Variants in TENM4 observed in about 807,000 individuals in gnomAD.
The protein encoded by TENM4 is teneurin transmembrane protein 4.
A neutral mutation model predicts 243.3 loss-of-function variants in TENM4; 82 were observed. The observed-to-expected ratio is 0.34, with a 90% CI of 0.28 to 0.40. The LOEUF (loss-of-function observed/expected upper bound fraction) is 0.40, where lower values mean the gene tolerates loss of function less well. TENM4 is among the 10% of genes least tolerant of loss of function. The pLI, the probability that TENM4 is intolerant of heterozygous loss-of-function variation, is 1.00. For missense variants in TENM4, 3,138 were observed against 3,673.3 expected, an observed-to-expected ratio of 0.85 and a Z score of 3.77; for synonymous variants, 1,412 against 1,456.3, an observed-to-expected ratio of 0.97 and a Z score of 0.69.
intron 27 of TENM4, among the ~76,000 whole-genome samples, chr11:78,703,037 A>G (rs1381470808): frequency 6.6e-6 from 1 of 152,252 alleles, no homozygotes; most frequent in East Asian, 1.9e-4. Context: ...TCATAGTTCT[A>G]GACCAGTGAT....
intron 1 of TENM4, among the ~76,000 whole-genome samples, chr11:79,427,358 ATAC>A (rs1427213547): frequency 1.3e-5 from 2 of 152,238 alleles, no homozygotes; most frequent in African/African-American, 4.8e-5. Context: ...GAGAAATGGA[ATAC>A]AACAATAGAA....
chr11:78,810,963 C>A (rs912063662), intron 14 of TENM4, among the ~76,000 whole-genome samples: 1 of 152,146 alleles, frequency 6.6e-6, no homozygotes, highest in Non-Finnish European at 1.5e-5. Context: ...TTTAAAAAGA[C>A]CTTGGATGAA....
chr11:79,208,149 G>A (rs953953944), intron 3 of TENM4, among the ~76,000 whole-genome samples: 3 of 152,058 alleles, frequency 2.0e-5, no homozygotes, highest in African/African-American at 4.8e-5. Flanking sequence ...ACGGGTCATC[G>A]GCATCTCAAT....
At chr11:79,211,456 G>A (rs914641808) in intron 3 of TENM4, among the ~76,000 whole-genome samples, 3 of 152,200 alleles carry the variant, frequency 2.0e-5, no homozygotes, top group Non-Finnish European at 2.9e-5. Context: ...CTTTCAGGAA[G>A]TCTGTGAGGT....
intron 2 of TENM4, among the ~76,000 whole-genome samples, chr11:79,245,276 C>A (rs899204276): frequency 1.3e-5 from 2 of 152,226 alleles, no homozygotes; most frequent in Non-Finnish European, 2.9e-5. Context: ...TCTTTCTTCT[C>A]ATACTGAAGG....
intron 6 of TENM4, among the ~76,000 whole-genome samples, chr11:79,047,517 A>G (rs910593830): frequency 1.3e-5 from 2 of 152,188 alleles, no homozygotes; most frequent in African/African-American, 4.8e-5. Flanking sequence ...TCTGCCAGGG[A>G]CTGGGCTTCT....
chr11:79,393,058 C>T (rs1858269883), intron 1 of TENM4, among the ~76,000 whole-genome samples: 1 of 152,176 alleles, frequency 6.6e-6, no homozygotes, highest in Admixed American at 6.5e-5. Context: ...TTTCGTGCCT[C>T]TTCTGCACCC....
intron 6 of TENM4, among the ~76,000 whole-genome samples, chr11:78,968,041 G>A (rs1171130084): frequency 6.6e-6 from 1 of 152,208 alleles, no homozygotes; most frequent in Non-Finnish European, 1.5e-5. Context: ...GAATGACGTG[G>A]TGCCCTCCCC....
At chr11:79,085,497 C>A (rs750278960) in intron 4 of TENM4, among the ~76,000 whole-genome samples, 4 of 151,876 alleles carry the variant, frequency 2.6e-5, no homozygotes, top group Non-Finnish European at 5.9e-5. Context: ...ACTCTCTAAG[C>A]CTCAATTTCC....
In TENM4 at chr11:78,940,986, C is replaced by T. The variant is rs187801304; in HGVS notation, c.494-37463G>A. Reference sequence around the variant, plus strand: ...TTGCCTGAAAAGTTACCAAAAGAACCTGACAAATTGCCTCACTTTGTCAAG... The same window carrying T: ...TTGCCTGAAAAGTTACCAAAAGAACTTGACAAATTGCCTCACTTTGTCAAG... On this transcript the variant is annotated intron_variant, in intron 6 of 33. Transcript: ENST00000278550. 1.2e-3 allele frequency among the ~76,000 whole-genome samples: 186 copies of T among 152,310 alleles called. 1 individual carries two copies. Among genetic ancestry groups the T allele is most frequent in the Non-Finnish European group, 1.7e-3 (116 of 68,020 alleles).
rs532247325 is a variant in TENM4 at position 79,353,043 on chromosome 11, T to A, written c.-320-55500A>T. 1.2e-4 allele frequency among the ~76,000 whole-genome samples: 18 copies of A among 152,110 alleles called. 1 individual carries two copies. In the East Asian group the frequency reaches 3.3e-3, roughly 28 times the overall value. ...TATGAACAAGATCACTTCTTAAATG[T>A]TGGGATAAAGCTGTCTCCCAGGTAG... On this transcript the variant is annotated intron_variant, in intron 1 of 33. Coordinates refer to ENST00000278550, the MANE Select transcript of TENM4 (RefSeq NM_001098816.3).
chr11:79,246,514 G>A (rs908135423), intron 2 of TENM4, among the ~76,000 whole-genome samples: 3 of 152,066 alleles, frequency 2.0e-5, no homozygotes, highest in Admixed American at 1.3e-4. Flanking sequence ...AGTCAAACAC[G>A]GGAAATAACC....
chr11:79,314,038 T>C (rs1856764277), intron 1 of TENM4, among the ~76,000 whole-genome samples: 1 of 152,200 alleles, frequency 6.6e-6, no homozygotes, highest in African/African-American at 2.4e-5. Context: ...AATGAGATAA[T>C]CATGTTTGCA....
chr11:79,269,120 A>T (rs1855927218), intron 2 of TENM4, among the ~76,000 whole-genome samples: 1 of 152,236 alleles, frequency 6.6e-6, no homozygotes, highest in East Asian at 1.9e-4. Flanking sequence ...CTAATTCAGG[A>T]TTCCCACCTA....
intron 6 of TENM4, among the ~76,000 whole-genome samples, chr11:79,007,945 T>C (rs1260589871): frequency 1.3e-5 from 2 of 152,150 alleles, no homozygotes; most frequent in South Asian, 2.1e-4. Flanking sequence ...CACTTAGCAA[T>C]GCGCCAAGCC....
chr11:79,246,263 C>T (rs990917968), intron 2 of TENM4, among the ~76,000 whole-genome samples: 1 of 152,166 alleles, frequency 6.6e-6, no homozygotes, highest in Non-Finnish European at 1.5e-5. Context: ...TGACTTATTT[C>T]TCAGATTTTA....
Position 78,702,374 on chromosome 11 carries a change from G to A in TENM4, c.4239C>T (p.Ala1413=). The A allele has an allele frequency of 6.2e-7, 1 of 1,613,174 alleles. No individual in the cohort carries two copies. The highest frequency in any genetic ancestry group is 8.5e-7 in the Non-Finnish European group (1 of 1,179,334). The change falls in exon 28 of 34, where the codon GCC becomes GCT. Residue 1413 remains alanine (A), a synonymous_variant. Coordinates refer to ENST00000278550, the MANE Select transcript of TENM4 (RefSeq NM_001098816.3). Reference sequence around the variant, plus strand: ...AAAGTGAGTTGTCCATTGGGTTGATGGCTAAGTCTGTGGGCCACTCCAGGT... The same window carrying A: ...AAAGTGAGTTGTCCATTGGGTTGATAGCTAAGTCTGTGGGCCACTCCAGGT... ...QVHLEWPTDL[A]INPMDNSLYV...
rs775572268 is a variant in TENM4, at chr11:78,786,969, G to C, written c.2294C>G (p.Ala765Gly). The C allele has an allele frequency of 6.3e-7, 1 of 1,593,680 alleles. No homozygotes were observed. Among genetic ancestry groups the C allele is most frequent in the African/African-American group, 1.3e-5 (1 of 74,528 alleles). The stretch of plus-strand genomic sequence containing the variant: ...GCCGTCGCGGCAGGTCCCATGCTCG[G>C]CACAGCGCGGGTGGCAGGCCCGCTG... ...CDQRACHPRC[A>G]EHGTCRDGKC... The change falls in exon 16 of 34, where the codon GCC (alanine) becomes GGC (glycine). Residue 765 changes from alanine to glycine, a missense_variant. Ala to Gly is a moderately conservative substitution (Grantham distance 60). Around this residue, in one of 2 missense-constraint regions of TENM4, gnomAD observed 2,467 missense variants for 3,059.1 expected, o/e 0.81. Transcript: ENST00000278550.
At chr11:78,853,053 T>C (rs1363911648) in intron 12 of TENM4, among the ~76,000 whole-genome samples, 1 of 151,442 alleles carries the variant, frequency 6.6e-6, no homozygotes, top group East Asian at 1.9e-4. Context: ...ACACCTAGCC[T>C]GGATTCAGAA....
Sources: allele counts gnomAD v4.1 joint callset (sites outside exome capture counted in the v4.1 genomes callset), GRCh38; gene constraint gnomAD v4.1.1; regional missense constraint gnomAD v4.1.1; transcripts MANE v1.5; gene names NCBI Gene and HGNC (gene_info 2026-07-23, HGNC 2026-07-21).